SLC25A21: variants seen among roughly 807,000 people sequenced by gnomAD.
The protein encoded by SLC25A21 is solute carrier family 25 member 21, also known as mitochondrial 2-oxodicarboxylate carrier.
A neutral mutation model predicts 43.8 loss-of-function variants in SLC25A21; 47 were observed. That is an observed-to-expected ratio of 1.07 (90% CI 0.85 to 1.37). SLC25A21 has a LOEUF of 1.37. Ranked by LOEUF, SLC25A21 falls within the 40% of genes most tolerant of loss-of-function variation. The pLI, the probability that SLC25A21 is intolerant of heterozygous loss-of-function variation, is 0.00. For missense variants in SLC25A21, 352 were observed against 350.2 expected, an observed-to-expected ratio of 1.00 and a Z score of -0.04; for synonymous variants, 131 against 121.3, an observed-to-expected ratio of 1.08 and a Z score of -0.52.
chr14:36,869,596 T>C lies in SLC25A21; in HGVS notation c.119+5360A>G, dbSNP rs368068825. Among the ~76,000 whole-genome samples the C allele has an allele frequency of 3.3e-5, 5 of 152,274 alleles. No individual in the cohort carries two copies. In the South Asian group the frequency reaches 6.2e-4, roughly 19 times the overall value. On this transcript the variant is annotated intron_variant, in intron 2 of 9. Coordinates refer to ENST00000331299, the MANE Select transcript of SLC25A21 (RefSeq NM_030631.4). The stretch of plus-strand genomic sequence containing the variant: ...AGCAAGAGCACTGCTTGAAAGTCCA[T>C]ATATGTTTTCTCTCCCACCTCACAC...
chr14:37,099,740 A>C (rs1276528516), intron 1 of SLC25A21, among the ~76,000 whole-genome samples: 1 of 152,144 alleles, frequency 6.6e-6, no homozygotes, highest in Non-Finnish European at 1.5e-5. Context: ...ATGTATCTTT[A>C]ACCTTCGCAT....
intron 3 of SLC25A21, among the ~76,000 whole-genome samples, chr14:36,785,556 C>T (rs1887218562): frequency 6.6e-6 from 1 of 152,150 alleles, no homozygotes; most frequent in Non-Finnish European, 1.5e-5. Context: ...TACTGAAATA[C>T]AAATTATTAT....
chr14:36,741,953 T>C (rs1174034139), intron 3 of SLC25A21, among the ~76,000 whole-genome samples: 1 of 152,218 alleles, frequency 6.6e-6, no homozygotes, highest in Non-Finnish European at 1.5e-5. Context: ...AGCTCTGTTC[T>C]GGGCAATGAT....
chr14:36,982,154 C>G (rs771990164), intron 1 of SLC25A21, among the ~76,000 whole-genome samples: 6 of 152,132 alleles, frequency 3.9e-5, no homozygotes, highest in Non-Finnish European at 8.8e-5. Flanking sequence ...AGTTCAGCAC[C>G]AAATTATAGA....
intron 1 of SLC25A21, among the ~76,000 whole-genome samples, chr14:36,931,170 C>G (rs1186127069): frequency 8.5e-5 from 13 of 152,082 alleles, no homozygotes; most frequent in Non-Finnish European, 1.9e-4. Flanking sequence ...ATAAATATTC[C>G]TTAAAGAAAT....
chr14:36,714,397 C>T (rs1884029357), intron 6 of SLC25A21, among the ~76,000 whole-genome samples: 1 of 152,208 alleles, frequency 6.6e-6, no homozygotes. Flanking sequence ...AAATTCAATG[C>T]TTGGGGTAGA....
intron 3 of SLC25A21, among the ~76,000 whole-genome samples, chr14:36,794,441 T>A (rs1440876841): frequency 3.3e-5 from 5 of 152,088 alleles, no homozygotes; most frequent in African/African-American, 1.2e-4. Context: ...CATCAAACAT[T>A]TTATTGTACA....
intron 2 of SLC25A21, among the ~76,000 whole-genome samples, chr14:36,834,120 A>G (rs7148320): frequency 0.026 from 3,921 of 152,300 alleles, 181 homozygotes; most frequent in African/African-American, 0.09. Context: ...GCAAAGGGAA[A>G]TAATAGCAAC....
chr14:37,039,385 C>T (rs1961396107), intron 1 of SLC25A21, among the ~76,000 whole-genome samples: 1 of 152,150 alleles, frequency 6.6e-6, no homozygotes, highest in Non-Finnish European at 1.5e-5. Flanking sequence ...ATTCATCACC[C>T]CCAAAATGTA....
At chr14:37,018,026 T>C (rs1222684503) in intron 1 of SLC25A21, among the ~76,000 whole-genome samples, 1 of 151,750 alleles carries the variant, frequency 6.6e-6, no homozygotes, top group Non-Finnish European at 1.5e-5. Flanking sequence ...TACATAATAA[T>C]GACATATATG....
intron 7 of SLC25A21, among the ~76,000 whole-genome samples, chr14:36,705,909 T>G (rs1013245452): frequency 6.6e-6 from 1 of 152,162 alleles, no homozygotes; most frequent in South Asian, 2.1e-4. Flanking sequence ...AATAAGGCCT[T>G]CAAGGAACAC....
intron 1 of SLC25A21, among the ~76,000 whole-genome samples, chr14:36,881,044 G>C (rs1228961777): frequency 6.6e-6 from 1 of 152,110 alleles, no homozygotes; most frequent in Non-Finnish European, 1.5e-5. Flanking sequence ...ATAGCAATAC[G>C]CATAAAAATA....
At chr14:37,020,964 C>A (rs1317149568) in intron 1 of SLC25A21, among the ~76,000 whole-genome samples, 2 of 151,956 alleles carry the variant, frequency 1.3e-5, no homozygotes, top group South Asian at 2.1e-4. Flanking sequence ...AATTAGATTT[C>A]CAATTTAAAG....
At chr14:36,701,146 A>G (rs1883261844) in intron 7 of SLC25A21, among the ~76,000 whole-genome samples, 1 of 152,176 alleles carries the variant, frequency 6.6e-6, no homozygotes, top group African/African-American at 2.4e-5. Flanking sequence ...TGACAAAAAC[A>G]TTTTCCTCCC....
chr14:37,101,995 T>C (rs1327674236), intron 1 of SLC25A21, among the ~76,000 whole-genome samples: 1 of 152,240 alleles, frequency 6.6e-6, no homozygotes, highest in East Asian at 1.9e-4. Flanking sequence ...ACAAATATCA[T>C]GCTGCATCAC....
At chr14:37,020,822 A>G (rs937859191) in intron 1 of SLC25A21, among the ~76,000 whole-genome samples, 2 of 151,982 alleles carry the variant, frequency 1.3e-5, no homozygotes, top group Non-Finnish European at 2.9e-5. Flanking sequence ...ACCAAATACA[A>G]TCATCTGTTG....
intron 1 of SLC25A21, among the ~76,000 whole-genome samples, chr14:36,974,965 C>T (rs1465785615): frequency 6.6e-6 from 1 of 152,086 alleles, no homozygotes; most frequent in Non-Finnish European, 1.5e-5. Context: ...GATGTGATGG[C>T]AATGATGATG....
chr14:37,015,534 TA>T lies in SLC25A21; in HGVS notation c.71-140531del, dbSNP rs74492337. ...CATGTGTCTTTATAGCAGCATGATT[TA>T]TAGTCATTTGGGTATATACCCAGTA... On this transcript the variant is annotated intron_variant, in intron 1 of 9. Transcript: ENST00000331299. Among the ~76,000 whole-genome samples, 1,378 of 152,076 alleles carry T rather than the reference TA, an allele frequency of 9.1e-3. 35 individuals carry two copies. The highest frequency in any genetic ancestry group is 0.088 in the East Asian group (455 of 5,168).
chr14:36,780,375 T>C (rs1887009053), intron 3 of SLC25A21, among the ~76,000 whole-genome samples: 1 of 152,082 alleles, frequency 6.6e-6, no homozygotes, highest in Admixed American at 6.5e-5. Flanking sequence ...CTACTACTTT[T>C]GCCCTTAATT....
Sources: gnomAD v4.1 joint callset for allele counts (sites outside exome capture counted in the v4.1 genomes callset) on GRCh38, gnomAD v4.1.1 for gene constraint, MANE v1.5 for transcripts, NCBI Gene and HGNC (gene_info 2026-07-23, HGNC 2026-07-21) for gene names.